The following SH3D21 variants were observed in gnomAD, a reference collection of about 807,000 sequenced individuals.
SH3D21 encodes SH3 domain-containing protein 21.
Under a neutral mutation model 82.1 loss-of-function variants are expected in SH3D21, and 83 were observed. The observed-to-expected ratio is 1.01, with a 90% CI of 0.85 to 1.21. SH3D21 has a LOEUF of 1.21. SH3D21 is among the 50% of genes most tolerant of loss of function. SH3D21 has a pLI of 0.00. For missense variants in SH3D21, 980 were observed against 962.1 expected (o/e 1.02, Z -0.25); for synonymous variants, 383 against 387.8 (o/e 0.99, Z 0.15).
chr1:36,318,858 G>A (rs1259191205), intron 10 of SH3D21, among the ~76,000 whole-genome samples: 3 of 151,286 alleles, frequency 2.0e-5, no homozygotes, highest in Non-Finnish European at 2.9e-5. Context: ...GCAGTGAGCC[G>A]AGATCGCACC....
intron 10 of SH3D21, among the ~76,000 whole-genome samples, chr1:36,313,356 A>AATAAATAAATAAATAAATAG (rs1646277819): frequency 6.6e-6 from 1 of 151,618 alleles, no homozygotes; most frequent in African/African-American, 2.4e-5. Context: ...TAAATAAATA[A>AATAAATAAATAAATAAATAG]GATGGGAATC....
chr1:36,314,712 C>G (rs549382355), intron 10 of SH3D21, among the ~76,000 whole-genome samples: 7 of 152,228 alleles, frequency 4.6e-5, no homozygotes, highest in African/African-American at 1.4e-4. Context: ...CCTCGGCCTC[C>G]CAAAGTTTTT....
chr1:36,321,811 C>T (rs867849326), downstream of SH3D21: 15 of 1,005,604 alleles, frequency 1.5e-5, no homozygotes, highest in Admixed American at 2.2e-4. This position sits in a 1 kb window ranked among gnomAD's most constrained non-coding sequence, Gnocchi z 6.1. Flanking sequence ...GGAATGCGCG[C>T]GCGCTTGCTC....
At chr1:36,325,772 C>T (rs1646536721), downstream of SH3D21, among the ~76,000 whole-genome samples, 1 of 152,168 alleles carries the variant, frequency 6.6e-6, no homozygotes, top group Admixed American at 6.5e-5. Flanking sequence ...TCTCGATCTG[C>T]TGACCTCGTG....
intron 10 of SH3D21, among the ~76,000 whole-genome samples, chr1:36,316,310 C>G (rs1242075221): frequency 1.3e-5 from 2 of 152,208 alleles, no homozygotes; most frequent in Non-Finnish European, 2.9e-5. Context: ...TCTCAGCTCA[C>G]TGCAACCTCC....
rs1646175682 is a variant in SH3D21, at chr1:36,308,472, C to T, written c.723C>T (p.Pro241=). 6.4e-7 allele frequency: 1 copy of T among 1,551,440 alleles called. No homozygotes were observed. Among genetic ancestry groups the T allele is most frequent in the Non-Finnish European group, 8.7e-7 (1 of 1,146,846 alleles). Residue 241 remains proline (P), a synonymous_variant, in exon 9 of 16, where the codon CCC becomes CCT. Coordinates refer to ENST00000453908, the MANE Select transcript of SH3D21 (RefSeq NM_001162530.2). ...CAGACAACTTTGTACTCCCACCACC[C>T]CCAGTGAGTACAGAGCCAAGACACT... ...VFPDNFVLPP[P]PIKKLVPRKV...
chr1:36,322,253 G>A, downstream of SH3D21: 1 of 1,453,154 alleles, frequency 6.9e-7, no homozygotes, highest in Non-Finnish European at 9.0e-7. Flanking sequence ...CTCATGTGCA[G>A]GTCCGGTACC....
intron 10 of SH3D21, among the ~76,000 whole-genome samples, chr1:36,315,269 C>T (rs1646322233): frequency 6.6e-6 from 1 of 151,084 alleles, no homozygotes. Flanking sequence ...GAGCGAGACT[C>T]TGTCTCAAAA....
downstream of SH3D21, chr1:36,328,453 G>GCA (rs1646565233): frequency 3.3e-6 from 1 of 299,302 alleles, no homozygotes. Context: ...GCTGGAAAGA[G>GCA]GGTACTGGCA....
chr1:36,306,548 C>T lies in SH3D21; in HGVS notation c.5-50C>T. ...GGACACGCCCGCCCTAGCCAGGCTG[C>T]CCGGCTGGGCCTTTCTGAGCCGCAC... On this transcript the variant is annotated intron_variant, in intron 1 of 15. Transcript: ENST00000453908. This position sits in a 1 kb window ranked among gnomAD's most constrained non-coding sequence, Gnocchi z 4.5. 3 of 1,302,568 alleles carry T rather than the reference C, an allele frequency of 2.3e-6. No individual in the cohort carries two copies. The highest frequency in any genetic ancestry group is 2.6e-4 in the Middle Eastern group (1 of 3,870). 80.7% of individuals were successfully genotyped at this position (1,302,568 alleles called of 1,614,324 possible).
At chr1:36,321,758 C>A, downstream of SH3D21, 1 of 1,002,044 alleles carries the variant, frequency 1.0e-6, no homozygotes, top group Non-Finnish European at 1.2e-6. This position sits in a 1 kb window ranked among gnomAD's most constrained non-coding sequence, Gnocchi z 6.1. Context: ...GACAGGGCGA[C>A]GTGTGTCCAG....
In SH3D21 at chr1:36,321,326, C is replaced by CT; in HGVS notation, c.*199_*200insT. The stretch of plus-strand genomic sequence containing the variant: ...GTCCCTCCCAGGCACATCTGGCCAA[C>CT]ATGTGGCTCCCATTACCGTTCCCAA... On this transcript the variant is annotated 3_prime_UTR_variant, in exon 16 of 16. Transcript: ENST00000453908. The surrounding 1 kb of genome is among the most constrained non-coding windows in gnomAD (Gnocchi z 6.1). The CT allele has an allele frequency of 1.4e-6, 2 of 1,429,986 alleles. No individual in the cohort carries two copies. Among genetic ancestry groups the CT allele is most frequent in the Non-Finnish European group, 1.8e-6 (2 of 1,096,436 alleles). The allele number at this position is 1,429,986 out of a possible 1,614,324, so 88.6% of individuals were successfully genotyped here.
chr1:36,307,401 G>A lies in SH3D21; in HGVS notation c.345+116G>A. On this transcript the variant is annotated intron_variant, in intron 4 of 15. Transcript: ENST00000453908. The surrounding 1 kb of genome is among the most constrained non-coding windows in gnomAD (Gnocchi z 5.4). Reference sequence around the variant, plus strand: ...GGAATGGCGACGGTGCAGATACGGGGAAGCGCGGGAGGGAAGGAGGGAGGA... The same window carrying A: ...GGAATGGCGACGGTGCAGATACGGGAAAGCGCGGGAGGGAAGGAGGGAGGA... 1 of 1,507,690 alleles carries A rather than the reference G, an allele frequency of 6.6e-7. No individual in the cohort carries two copies. The highest frequency in any genetic ancestry group is 2.5e-5 in the East Asian group (1 of 40,428). The allele number at this position is 1,507,690 out of a possible 1,614,324, so 93.4% of individuals were successfully genotyped here.
Position 36,319,985 on chromosome 1 carries a change from T to C in SH3D21, c.1322T>C (p.Val441Ala). ...ATCATCCCAGAGGAGACCCTGACTG[T>C]GGACAAACCCTCCACTCCAGAGAGG... is the stretch of plus-strand genomic sequence containing the variant. ...NSIIPEETLT[V>A]DKPSTPERVF... The change falls in exon 14 of 16, where the codon GTG becomes GCG. Residue 441 changes from valine to alanine, a missense_variant. Physicochemically the swap from Val to Ala is moderately conservative, Grantham distance 64 (BLOSUM62 0). Transcript: ENST00000453908. 2.5e-6 allele frequency: 4 copies of C among 1,613,996 alleles called. No individual in the cohort carries two copies. Among genetic ancestry groups the C allele is most frequent in the Non-Finnish European group, 3.4e-6 (4 of 1,179,978 alleles).
chr1:36,327,772 G>T (rs1433902948), downstream of SH3D21: 3 of 1,251,412 alleles, frequency 2.4e-6, no homozygotes, highest in African/African-American at 4.6e-5. Flanking sequence ...GCCTTGCCCT[G>T]GAGGGTTTTG....
chr1:36,310,015 C>T (rs1646206626), intron 10 of SH3D21, among the ~76,000 whole-genome samples: 1 of 152,024 alleles, frequency 6.6e-6, no homozygotes, highest in Non-Finnish European at 1.5e-5. Context: ...AGTGCAGTGG[C>T]TCAATCTCGG....
intron 9 of SH3D21, 178 bp from the exon 10 acceptor site, chr1:36,309,370 T>C: frequency 1.6e-6 from 1 of 614,640 alleles, no homozygotes. Flanking sequence ...CTAATTTTTG[T>C]ATTTTTAGTA....
chr1:36,309,815 A>G (rs966531353), intron 10 of SH3D21, among the ~76,000 whole-genome samples: 3 of 151,954 alleles, frequency 2.0e-5, no homozygotes, highest in African/African-American at 4.8e-5. Flanking sequence ...GAATGTGGCT[A>G]TTGGTGGGTA....
rs1184538940 is a variant in SH3D21 at position 36,307,350 on chromosome 1, G to A, written c.345+65G>A. On this transcript the variant is annotated intron_variant, in intron 4 of 15. Transcript: ENST00000453908. The surrounding 1 kb of genome is among the most constrained non-coding windows in gnomAD (Gnocchi z 5.4). Reference sequence around the variant, plus strand: ...TGGAACGCGCCTCCCTAGTGAGCGGGGTGGGAAGTGAGGGTGTGGACGGTG... The same window carrying A: ...TGGAACGCGCCTCCCTAGTGAGCGGAGTGGGAAGTGAGGGTGTGGACGGTG... The A allele has an allele frequency of 6.5e-7, 1 of 1,541,984 alleles. No individual in the cohort carries two copies. The highest frequency in any genetic ancestry group is 8.8e-7 in the Non-Finnish European group (1 of 1,139,500).
Sources: gnomAD v4.1 joint callset for allele counts (sites outside exome capture counted in the v4.1 genomes callset) on GRCh38, gnomAD v4.1.1 for gene constraint, Gnocchi (gnomAD v3.1) non-coding constraint, MANE v1.5 for transcripts, NCBI Gene and HGNC (gene_info 2026-07-23, HGNC 2026-07-21) for gene names.